The following CEACAM5 variants were observed in gnomAD, a reference collection of about 807,000 sequenced individuals.
CEACAM5 encodes the protein CEA cell adhesion molecule 5.
CEACAM5 carries 52 observed loss-of-function variants against 63.0 expected under a neutral mutation model. That is an observed-to-expected ratio of 0.83 (90% CI 0.66 to 1.04). The LOEUF is 1.04. Ranked by LOEUF, CEACAM5 falls within the 50% of genes least tolerant of loss-of-function variation. The pLI is 0.00. For missense variants in CEACAM5, 790 were observed against 864.8 expected (o/e 0.91, Z 1.08); for synonymous variants, 357 against 351.3 (o/e 1.02, Z -0.18).
At chr19:41,715,393 A>G in intron 3 of CEACAM5, 144 bp downstream of exon 3, 1 of 1,345,998 alleles carries the variant, frequency 7.4e-7, no homozygotes, top group Non-Finnish European at 1.1e-6. Context: ...CTGCCCCAGA[A>G]AAACCTGGGC....
Position 41,709,779 on chromosome 19 carries a change from T to C in CEACAM5, c.164T>C (p.Val55Ala), listed in dbSNP as rs1555813676. ...GAGGGGAAGGAGGTGCTTCTACTTG[T>C]CCACAATCTGCCCCAGCATCTTTTT... ...VAEGKEVLLL[V>A]HNLPQHLFGY... The change falls in exon 2 of 10, where the codon GTC becomes GCC. Residue 55 changes from valine (V) to alanine (A), a missense_variant. Coordinates refer to ENST00000221992, the MANE Select transcript of CEACAM5 (RefSeq NM_004363.6). 7 of 1,613,998 alleles carry C rather than the reference T, an allele frequency of 4.3e-6. No individual in the cohort carries two copies. The highest frequency in any genetic ancestry group is 5.9e-6 in the Non-Finnish European group (7 of 1,180,018).
chr19:41,721,307 C>T, intron 8 of CEACAM5, 131 bp downstream of exon 8: 3 of 1,005,418 alleles, frequency 3.0e-6, no homozygotes, highest in South Asian at 1.6e-5. Context: ...AAATTCTATC[C>T]TGAGCCCCCT....
chr19:41,722,239 C>G (rs1346253503), intron 8 of CEACAM5, among the ~76,000 whole-genome samples: 2 of 151,552 alleles, frequency 1.3e-5, no homozygotes, highest in Non-Finnish European at 2.9e-5. Context: ...TGGTGGGTGC[C>G]TGTAATCCCA....
chr19:41,728,565 C>T (rs1243928800), intron 9 of CEACAM5, among the ~76,000 whole-genome samples: 2 of 151,986 alleles, frequency 1.3e-5, no homozygotes, highest in Non-Finnish European at 2.9e-5. Context: ...GAGGCCAAGG[C>T]GGACGGATCA....
intron 9 of CEACAM5, 34 bp downstream of exon 9, chr19:41,727,386 C>G (rs1358681786): frequency 2.8e-6 from 3 of 1,075,202 alleles, no homozygotes; most frequent in Non-Finnish European, 4.3e-6. Context: ...TGTTCTGTTT[C>G]CTGCAGTGCT....
chr19:41,721,537 C>A (rs1427630893), intron 8 of CEACAM5, among the ~76,000 whole-genome samples: 6 of 152,226 alleles, frequency 3.9e-5, no homozygotes, highest in Non-Finnish European at 8.8e-5. Context: ...TGTTTTTTCA[C>A]CTACTCTGTG....
chr19:41,714,823 T>G (rs2072493077), intron 2 of CEACAM5, 148 bp from the exon 3 acceptor site: 2 of 1,413,210 alleles, frequency 1.4e-6, no homozygotes, highest in Admixed American at 4.4e-5. Flanking sequence ...CAGATCATCG[T>G]GCATCTGTCT....
chr19:41,710,227 A>G (rs1163208334), intron 2 of CEACAM5, 188 bp downstream of exon 2: 12 of 929,428 alleles, frequency 1.3e-5, no homozygotes, highest in Non-Finnish European at 2.0e-5. Flanking sequence ...TCCGGCATCC[A>G]GACCCTGCAG....
intron 2 of CEACAM5, among the ~76,000 whole-genome samples, 185 bp from the exon 3 acceptor site, chr19:41,714,786 C>A (rs1278681900): frequency 6.6e-6 from 1 of 152,232 alleles, no homozygotes; most frequent in Non-Finnish European, 1.5e-5. Flanking sequence ...CCACACCGAG[C>A]AGGCAGCCTC....
chr19:41,714,989 C>T lies in CEACAM5; in HGVS notation c.443C>T (p.Ser148Phe), dbSNP rs373889998. The change falls in exon 3 of 10, where the codon TCC (serine) becomes TTC (phenylalanine). Residue 148 changes from serine (S) to phenylalanine (F), a missense_variant. By Grantham distance (155) the Ser-to-Phe change is radical (BLOSUM62 -2). Transcript: ENST00000221992. ...TGCACAGCGGAGCTGCCCAAGCCCT[C>T]CATCTCCAGCAACAACTCCAAACCC... ...FRVYPELPKPSISSNNSKPVE... is the reference protein window; with the variant it reads ...FRVYPELPKPFISSNNSKPVE... The T allele has an allele frequency of 1.9e-6, 3 of 1,614,104 alleles. No homozygotes were observed. Among genetic ancestry groups the T allele is most frequent in the Non-Finnish European group, 2.5e-6 (3 of 1,180,056 alleles).
At chr19:41,726,560 T>A (rs567222540) in intron 8 of CEACAM5, among the ~76,000 whole-genome samples, 3 of 152,304 alleles carry the variant, frequency 2.0e-5, no homozygotes, top group African/African-American at 7.2e-5. Flanking sequence ...CAAGATAATT[T>A]ACCGGGGGGA....
intron 8 of CEACAM5, among the ~76,000 whole-genome samples, chr19:41,723,154 C>A (rs570856361): frequency 6.6e-6 from 1 of 152,046 alleles, no homozygotes; most frequent in Non-Finnish European, 1.5e-5. Context: ...CCTCGTGATC[C>A]GCCTGCCTTG....
Position 41,708,631 on chromosome 19 carries a change from G to A in CEACAM5, c.-101G>A. 9.7e-7 allele frequency: 1 copy of A among 1,026,172 alleles called. No homozygotes were observed. The highest frequency in any genetic ancestry group is 1.5e-6 in the Non-Finnish European group (1 of 666,720). The allele number at this position is 1,026,172 out of a possible 1,614,324, so 63.6% of individuals were successfully genotyped here. A position where few individuals can be genotyped will look rare whatever the true frequency, so the allele number is the denominator to read the frequency against. On this transcript the variant is annotated 5_prime_UTR_variant, in exon 1 of 10. Coordinates refer to ENST00000221992, the MANE Select transcript of CEACAM5 (RefSeq NM_004363.6). Reference sequence around the variant, plus strand: ...CCTAGGAAGAGACTCAGGGCAGAGGGAGGAAGGACAGCAGACCAGACAGTC... The same window carrying A: ...CCTAGGAAGAGACTCAGGGCAGAGGAAGGAAGGACAGCAGACCAGACAGTC...
chr19:41,727,492 T>C (rs2072716588), intron 9 of CEACAM5, 140 bp downstream of exon 9: 1 of 639,248 alleles, frequency 1.6e-6, no homozygotes, highest in East Asian at 2.6e-5. Context: ...TCAGCACTAA[T>C]TCCTGCAGGT....
intron 2 of CEACAM5, among the ~76,000 whole-genome samples, chr19:41,710,995 T>A (rs10415940): frequency 2.0e-5 from 3 of 151,996 alleles, no homozygotes; most frequent in Non-Finnish European, 2.9e-5. Context: ...AGGTGTCAGA[T>A]TGAAGTCACA....
In CEACAM5 at chr19:41,717,563, G is replaced by C. The variant is rs2072546524; in HGVS notation, c.1067G>C (p.Trp356Ser). The C allele has an allele frequency of 5.0e-6, 8 of 1,614,046 alleles. No homozygotes were observed. The African/African-American group carries it at 8.0e-5, about 16-fold the overall frequency. The part of the protein sequence containing the change: ...EPEIQNTTYL[W>S]WVNNQSLPVS... ...GAGATTCAGAACACAACCTACCTGT[G>C]GTGGGTAAATAATCAGAGCCTCCCG... Residue 356 changes from tryptophan (W) to serine (S), a missense_variant, in exon 5 of 10, where the codon TGG (tryptophan) becomes TCG (serine). Physicochemically the swap from Trp to Ser is radical, Grantham distance 177 (BLOSUM62 -3). Transcript: ENST00000221992.
In CEACAM5 at chr19:41,708,700, C is replaced by T. The variant is rs2072381873; in HGVS notation, c.-32C>T. ...CGTTCCTGGAACTCAAGCTCTTCTC[C>T]ACAGAGGAGGACAGAGCAGACAGCA... is the stretch of plus-strand genomic sequence containing the variant. On this transcript the variant is annotated 5_prime_UTR_variant, in exon 1 of 10. Coordinates refer to ENST00000221992, the MANE Select transcript of CEACAM5 (RefSeq NM_004363.6). The T allele has an allele frequency of 1.9e-6, 3 of 1,594,854 alleles. No homozygotes were observed. Among genetic ancestry groups the T allele is most frequent in the Admixed American group, 3.5e-5 (2 of 57,804 alleles).
At chr19:41,711,457 T>C (rs1206078642) in intron 2 of CEACAM5, among the ~76,000 whole-genome samples, 2 of 152,148 alleles carry the variant, frequency 1.3e-5, no homozygotes, top group African/African-American at 4.8e-5. Flanking sequence ...ATAACCTCTA[T>C]AGAGACTGGA....
At chr19:41,722,254 C>T (rs2072632954) in intron 8 of CEACAM5, among the ~76,000 whole-genome samples, 1 of 150,976 alleles carries the variant, frequency 6.6e-6, no homozygotes. Flanking sequence ...ATCCCAGCTA[C>T]TCGGGAGGCT....
Sources: allele counts gnomAD v4.1 joint callset (sites outside exome capture counted in the v4.1 genomes callset), GRCh38; gene constraint gnomAD v4.1.1; transcripts MANE v1.5; gene names NCBI Gene and HGNC (gene_info 2026-07-23, HGNC 2026-07-21).